The following EIF2D variants were observed in gnomAD, a reference collection of about 807,000 sequenced individuals.
EIF2D encodes the protein eukaryotic translation initiation factor 2D.
Under a neutral mutation model 77.4 loss-of-function variants are expected in EIF2D, and 56 were observed. The ratio of observed to expected loss-of-function variants is 0.72; its 90% CI spans 0.58 to 0.90. The LOEUF is 0.90. EIF2D is among the 40% of genes least tolerant of loss of function. The pLI, the probability that EIF2D is intolerant of heterozygous loss-of-function variation, is 0.00. For synonymous variants in EIF2D, 230 were observed against 271.0 expected, an observed-to-expected ratio of 0.85 and a Z score of 1.49; for missense variants, 574 against 706.5, an observed-to-expected ratio of 0.81 and a Z score of 2.13.
chr1:206,593,142 A>AT (rs1669432152), intron 14 of EIF2D, among the ~76,000 whole-genome samples: 2 of 152,114 alleles, frequency 1.3e-5, no homozygotes, highest in African/African-American at 4.8e-5. Context: ...CTGGAGTCTA[A>AT]AAAAGTTTCG....
At chr1:206,574,592 C>G (rs1158530944) in intron 4 of EIF2D, among the ~76,000 whole-genome samples, 6 of 152,170 alleles carry the variant, frequency 3.9e-5, no homozygotes, top group Non-Finnish European at 5.9e-5. Flanking sequence ...GCAGAAGCTC[C>G]ATGATAAAGC....
chr1:206,604,467 G>C (rs1205413998), intron 5 of EIF2D: 1 of 150,592 alleles, frequency 6.6e-6, no homozygotes, highest in Non-Finnish European at 1.5e-5. Context: ...GGGCGCAGTG[G>C]CTCACACCTG....
chr1:206,574,405 T>C (rs1300510320), intron 4 of EIF2D, among the ~76,000 whole-genome samples: 1 of 152,204 alleles, frequency 6.6e-6, no homozygotes, highest in Non-Finnish European at 1.5e-5. Context: ...TTCACGATCC[T>C]CACCCATAGG....
At chr1:206,598,627 A>T (rs1029194814) in intron 11 of EIF2D, among the ~76,000 whole-genome samples, 31 of 69,482 alleles carry the variant, frequency 4.5e-4, no homozygotes, top group African/African-American at 8.5e-5. Flanking sequence ...CTGTGCATGT[A>T]ACAAAATACC....
chr1:206,593,993 T>C (rs1188916440), intron 13 of EIF2D, 200 bp from the exon 14 acceptor site: 4 of 446,874 alleles, frequency 9.0e-6, no homozygotes, highest in Non-Finnish European at 1.6e-5. Flanking sequence ...CCAATATATG[T>C]ATTACATATT....
At chr1:206,570,963 T>C (rs904631316), downstream of EIF2D, among the ~76,000 whole-genome samples, 5 of 152,182 alleles carry the variant, frequency 3.3e-5, no homozygotes, top group Admixed American at 6.5e-5. Flanking sequence ...AGAAGTGTAA[T>C]TGCTGGATCA....
intron 2 of EIF2D, chr1:206,583,295 A>T (rs1553406761): frequency 6.2e-7 from 1 of 1,613,668 alleles, no homozygotes; most frequent in Admixed American, 1.7e-5. Context: ...TGGAGGAGAC[A>T]CAGCGCCCGC....
intron 5 of EIF2D, chr1:206,603,476 C>A (rs2102295489): frequency 2.9e-6 from 1 of 343,934 alleles, no homozygotes; most frequent in Non-Finnish European, 5.2e-6. Flanking sequence ...ATAGACATCC[C>A]AAGACTGAGA....
chr1:206,596,589 G>T (rs1349042661), intron 12 of EIF2D, among the ~76,000 whole-genome samples: 2 of 152,166 alleles, frequency 1.3e-5, no homozygotes, highest in Non-Finnish European at 2.9e-5. Context: ...TTCCTTTAAA[G>T]ACTTTAAGAC....
chr1:206,610,549 G>A (rs921578719), intron 2 of EIF2D, among the ~76,000 whole-genome samples: 9 of 151,954 alleles, frequency 5.9e-5, no homozygotes, highest in Middle Eastern at 3.4e-3. Flanking sequence ...GGCCAGGCGC[G>A]GTGGCTCACG....
At chr1:206,598,904 G>A (rs1669782914) in intron 11 of EIF2D, 99 bp downstream of exon 11, 2 of 1,216,538 alleles carry the variant, frequency 1.6e-6, no homozygotes, top group Non-Finnish European at 2.4e-6. Context: ...AGATGCTATG[G>A]TTTTCTATTC....
chr1:206,597,245 A>T lies in EIF2D; in HGVS notation c.1293-50T>A, dbSNP rs1242113404. 5.0e-6 allele frequency: 7 copies of T among 1,389,864 alleles called. No individual in the cohort carries two copies. In the African/African-American group the frequency reaches 1.0e-4, roughly 20 times the overall value. The allele number at this position is 1,389,864 out of a possible 1,614,324, so 86.1% of individuals were successfully genotyped here. On this transcript the variant is annotated intron_variant, in intron 11 of 14. Coordinates refer to ENST00000271764, the MANE Select transcript of EIF2D (RefSeq NM_006893.3). ...AGAAATCCTAGACTTGTCCCTTCTG[A>T]CCTGAAGGCTAATTCAGGATTCATC...
chr1:206,609,051 CA>C (rs201039918), intron 3 of EIF2D, among the ~76,000 whole-genome samples: 8,926 of 139,424 alleles, frequency 0.064, 304 homozygotes, highest in South Asian at 0.097. Context: ...GACTCCATCT[CA>C]AAAAAAAAAA....
rs546660724 is a variant in EIF2D, at chr1:206,593,493, G to C, written c.1684+126C>G. ...AGAGAGAGAGAGAGAGAGAGCGAGA[G>C]AGAGAGAGAGAGAGAGTGTGTGTGT... is the stretch of plus-strand genomic sequence containing the variant. On this transcript the variant is annotated intron_variant, in intron 14 of 14. Coordinates refer to ENST00000271764, the MANE Select transcript of EIF2D (RefSeq NM_006893.3). 8.4e-5 allele frequency: 43 copies of C among 511,146 alleles called. 1 individual carries two copies. Among genetic ancestry groups the C allele is most frequent in the African/African-American group, 7.9e-4 (36 of 45,374 alleles). The allele number at this position is 511,146 out of a possible 1,614,324, so 31.7% of individuals were successfully genotyped here.
At chr1:206,586,624 T>C in intron 2 of EIF2D, 1 of 564,886 alleles carries the variant, frequency 1.8e-6, no homozygotes, top group East Asian at 2.9e-5. Flanking sequence ...GGTCATGAGA[T>C]GCCAGCATTT....
chr1:206,605,366 G>T (rs782264722), intron 5 of EIF2D, 34 bp downstream of exon 5: 1 of 1,576,970 alleles, frequency 6.3e-7, no homozygotes, highest in African/African-American at 1.3e-5. Flanking sequence ...AGCTGCCCCG[G>T]TTCTCTGTAA....
intron 6 of EIF2D, 88 bp downstream of exon 6, chr1:206,602,863 G>A: frequency 6.5e-7 from 1 of 1,535,916 alleles, no homozygotes; most frequent in Non-Finnish European, 8.8e-7. Flanking sequence ...GAAGCTTAAG[G>A]GCCATTCTAG....
rs1668791354 is a variant in EIF2D, at chr1:206,579,628, C to T, written c.*254+1064G>A. On this transcript the variant is annotated intron_variant and NMD_transcript_variant, in intron 4 of 5. Coordinates refer to the EIF2D transcript ENST00000472709. This position sits in a 1 kb window ranked among gnomAD's most constrained non-coding sequence, Gnocchi z 4.2. ...GGGGTCTGTCTATTTCAGTTCTTTT[C>T]GAATGTTGCTGCGAATTAAAATCAA... Among the ~76,000 whole-genome samples, 1 of 152,108 alleles carries T rather than the reference C, an allele frequency of 6.6e-6. No homozygotes were observed. Among genetic ancestry groups the T allele is most frequent in the Non-Finnish European group, 1.5e-5 (1 of 68,030 alleles).
At chr1:206,596,612 C>G (rs1341684297) in intron 12 of EIF2D, among the ~76,000 whole-genome samples, 6 of 152,120 alleles carry the variant, frequency 3.9e-5, no homozygotes, top group African/African-American at 1.2e-4. Context: ...TTTTCCCCAG[C>G]CTTCTTTTGC....
Sources: gnomAD v4.1 joint callset for allele counts (sites outside exome capture counted in the v4.1 genomes callset) on GRCh38, gnomAD v4.1.1 for gene constraint, Gnocchi (gnomAD v3.1) non-coding constraint, MANE v1.5 for transcripts, NCBI Gene and HGNC (gene_info 2026-07-23, HGNC 2026-07-21) for gene names.